Variants in DGKD observed in about 807,000 individuals in gnomAD.
DGKD encodes diacylglycerol kinase delta, also known as DAG kinase delta.
A neutral mutation model predicts 154.4 loss-of-function variants in DGKD; 68 were observed. The ratio of observed to expected loss-of-function variants is 0.44; its 90% CI spans 0.36 to 0.54. The LOEUF (loss-of-function observed/expected upper bound fraction) is 0.54. Among genes scored for constraint, DGKD ranks in the 20% least tolerant of loss-of-function variants. The pLI, the probability that DGKD is intolerant of heterozygous loss-of-function variation, is 0.00. For synonymous variants in DGKD, 693 were observed against 638.0 expected (o/e 1.09, Z -1.30); for missense variants, 1,343 against 1,593.6 (o/e 0.84, Z 2.68).
chr2:233,354,806 C>A lies in DGKD; in HGVS notation c.156+132C>A. On this transcript the variant is annotated intron_variant, in intron 1 of 29. Coordinates refer to ENST00000264057, the MANE Select transcript of DGKD (RefSeq NM_152879.3). The surrounding 1 kb of genome is among the most constrained non-coding windows in gnomAD (Gnocchi z 4.8). ...GCCCGGGGTCCCGCGGGCGTCACCG[C>A]CCCTGTCGAGCGTGCCCCGCCGCTG... 1 of 367,720 alleles carries A rather than the reference C, an allele frequency of 2.7e-6. No homozygotes were observed. The highest frequency in any genetic ancestry group is 3.7e-6 in the Non-Finnish European group (1 of 268,444). The allele number at this position is 367,720 out of a possible 1,614,324, so 22.8% of individuals were successfully genotyped here.
intron 1 of DGKD, among the ~76,000 whole-genome samples, chr2:233,366,397 G>A (rs1427265747): frequency 6.6e-6 from 1 of 152,120 alleles, no homozygotes; most frequent in Non-Finnish European, 1.5e-5. Context: ...ATGCTGAGGA[G>A]GTGACATTGT....
intron 1 of DGKD, among the ~76,000 whole-genome samples, chr2:233,355,969 G>A (rs907715900): frequency 3.9e-5 from 6 of 152,206 alleles, no homozygotes; most frequent in Admixed American, 3.3e-4. Context: ...ATGTGTGTTG[G>A]AACCATGGTC....
Position 233,452,304 on chromosome 2 carries a change from T to C in DGKD, c.2264+244T>C, listed in dbSNP as rs560379707. On this transcript the variant is annotated intron_variant, in intron 18 of 29. Coordinates refer to ENST00000264057, the MANE Select transcript of DGKD (RefSeq NM_152879.3). This position sits in a 1 kb window ranked among gnomAD's most constrained non-coding sequence, Gnocchi z 4.0. The stretch of plus-strand genomic sequence containing the variant: ...CTTCCCAAGGTCCCACGGTGCTTGC[T>C]TGACGTCCCCTGAGCCTGCATGCCC... 6.6e-6 allele frequency among the ~76,000 whole-genome samples: 1 copy of C among 152,342 alleles called. No homozygotes were observed. Among genetic ancestry groups the C allele is most frequent in the South Asian group, 2.1e-4 (1 of 4,824 alleles).
chr2:233,391,614 A>G (rs1392771966), intron 3 of DGKD, among the ~76,000 whole-genome samples: 1 of 152,222 alleles, frequency 6.6e-6, no homozygotes, highest in Non-Finnish European at 1.5e-5. Flanking sequence ...TTATGTTATT[A>G]GGCCATCCCA....
chr2:233,453,813 TG>T (rs1279793831), intron 18 of DGKD, among the ~76,000 whole-genome samples: 1 of 150,596 alleles, frequency 6.6e-6, no homozygotes, highest in Admixed American at 6.6e-5. Flanking sequence ...GACTTCCAGC[TG>T]GGTGGGGAGA....
At chr2:233,408,442 A>G (rs933207556) in intron 3 of DGKD, among the ~76,000 whole-genome samples, 4 of 152,228 alleles carry the variant, frequency 2.6e-5, no homozygotes, top group Non-Finnish European at 4.4e-5. Flanking sequence ...GTGGGTCCCA[A>G]AAGTCCTCTT....
chr2:233,448,539 C>T (rs188769151), intron 14 of DGKD, among the ~76,000 whole-genome samples, 164 bp downstream of exon 14: 12 of 152,308 alleles, frequency 7.9e-5, no homozygotes, highest in Non-Finnish European at 1.6e-4. Flanking sequence ...CAACAAAGAA[C>T]GAAGGCAGGG....
intron 1 of DGKD, among the ~76,000 whole-genome samples, chr2:233,362,476 C>G (rs1424269446): frequency 6.6e-6 from 1 of 152,096 alleles, no homozygotes; most frequent in Non-Finnish European, 1.5e-5. Context: ...CATGGTGAAA[C>G]CCTGTGTCTA....
At chr2:233,434,576 C>G in intron 4 of DGKD, 92 bp downstream of exon 4, 3 of 1,427,658 alleles carry the variant, frequency 2.1e-6, no homozygotes, top group Non-Finnish European at 2.9e-6. Context: ...TGCGGACCCA[C>G]AGTCTGGAGC....
intron 5 of DGKD, 40 bp from the exon 6 acceptor site, chr2:233,435,778 C>T (rs755724068): frequency 1.9e-5 from 30 of 1,577,952 alleles, no homozygotes; most frequent in Non-Finnish European, 2.5e-5. Flanking sequence ...GCTCTTGGCA[C>T]AGACACAGCT....
chr2:233,367,472 G>A (rs1458053707), intron 1 of DGKD, among the ~76,000 whole-genome samples: 2 of 151,870 alleles, frequency 1.3e-5, no homozygotes, highest in Non-Finnish European at 2.9e-5. Flanking sequence ...CAAGTGATCC[G>A]CCCACCTCGG....
intron 3 of DGKD, among the ~76,000 whole-genome samples, chr2:233,398,970 T>C (rs1000696250): frequency 1.3e-5 from 2 of 152,246 alleles, no homozygotes; most frequent in Non-Finnish European, 2.9e-5. Context: ...ACTACAAGAC[T>C]GTAGGGTCCA....
intron 3 of DGKD, among the ~76,000 whole-genome samples, chr2:233,409,944 A>C (rs2061785339): frequency 6.6e-6 from 1 of 151,850 alleles, no homozygotes; most frequent in African/African-American, 2.4e-5. Context: ...GGGTGTGTTA[A>C]TCAGTGCTGG....
Position 233,450,992 on chromosome 2 carries a change from G to T in DGKD, c.2109G>T (p.Pro703=), listed in dbSNP as rs755690110. ...CCCTAGGCAGTTCTGCTTCCCTTCC[G>T]CCCCAGCCGGGAAGCCGGGACGGCC... ...SLSLGSSASL[P]PQPGSRDGLP... Residue 703 remains proline (P), a synonymous_variant, in exon 17 of 30, where the codon CCG becomes CCT. Transcript: ENST00000264057. 1.2e-6 allele frequency: 2 copies of T among 1,612,330 alleles called. No individual in the cohort carries two copies. The highest frequency in any genetic ancestry group is 2.2e-5 in the South Asian group (2 of 91,044).
At position 233,449,966 on chromosome 2, in the gene DGKD, C is replaced by T; in HGVS notation, c.1889-16C>T. Reference sequence around the variant, plus strand: ...TTGCACCCGCGTGCTCAGCCGCACACACTCTCCTTGCACAGCTGTCGATGA... The same window carrying T: ...TTGCACCCGCGTGCTCAGCCGCACATACTCTCCTTGCACAGCTGTCGATGA... On this transcript the variant is annotated splice_polypyrimidine_tract_variant and intron_variant, in intron 15 of 29. Transcript: ENST00000264057. This position sits in a 1 kb window ranked among gnomAD's most constrained non-coding sequence, Gnocchi z 5.3. The T allele has an allele frequency of 6.3e-7, 1 of 1,576,546 alleles. No individual in the cohort carries two copies. The highest frequency in any genetic ancestry group is 8.6e-7 in the Non-Finnish European group (1 of 1,158,994).
chr2:233,409,800 T>G (rs1290240081), intron 3 of DGKD, among the ~76,000 whole-genome samples: 8 of 143,372 alleles, frequency 5.6e-5, no homozygotes, highest in African/African-American at 7.9e-5. Context: ...TTTTTTTTTT[T>G]TTTTTTTTTT....
chr2:233,460,088 T>C, intron 23 of DGKD, 106 bp from the exon 24 acceptor site: 3 of 1,504,612 alleles, frequency 2.0e-6, no homozygotes, highest in South Asian at 2.7e-5. Context: ...AAAAAAGTCC[T>C]ATTTGTCTCT....
At chr2:233,437,028 G>A (rs890157739) in intron 7 of DGKD, among the ~76,000 whole-genome samples, 64 of 152,044 alleles carry the variant, frequency 4.2e-4, no homozygotes, top group African/African-American at 1.5e-3. Context: ...AAGACACAGG[G>A]GACACATAGA....
intron 3 of DGKD, among the ~76,000 whole-genome samples, chr2:233,418,221 C>T (rs979920261): frequency 1.3e-5 from 2 of 152,178 alleles, no homozygotes; most frequent in African/African-American, 2.4e-5. Flanking sequence ...GTGCTGCCAG[C>T]GTTTTGCTAT....
Sources: gnomAD v4.1 joint callset for allele counts (sites outside exome capture counted in the v4.1 genomes callset) on GRCh38, gnomAD v4.1.1 for gene constraint, Gnocchi (gnomAD v3.1) non-coding constraint, MANE v1.5 for transcripts, NCBI Gene and HGNC (gene_info 2026-07-23, HGNC 2026-07-21) for gene names.